PCDHGB7: variants seen among roughly 807,000 people sequenced by gnomAD.
PCDHGB7 encodes protocadherin gamma-B7.
Under a neutral mutation model 61.4 loss-of-function variants are expected in PCDHGB7, and 37 were observed. The observed-to-expected ratio is 0.60, with a 90% CI of 0.46 to 0.79. PCDHGB7 has a LOEUF of 0.79. Among genes scored for constraint, PCDHGB7 ranks in the 30% least tolerant of loss-of-function variants. PCDHGB7 has a pLI of 0.00. For synonymous variants in PCDHGB7, 464 were observed against 503.5 expected, an observed-to-expected ratio of 0.92 and a Z score of 1.05; for missense variants, 1,166 against 1,202.5, an observed-to-expected ratio of 0.97 and a Z score of 0.45.
chr5:141,485,566 C>G lies in PCDHGB7; in HGVS notation c.2416-9241C>G, dbSNP rs768144422. On this transcript the variant is annotated intron_variant, in intron 1 of 3. Transcript: ENST00000398594. This position sits in a 1 kb window ranked among gnomAD's most constrained non-coding sequence, Gnocchi z 5.7. ...TCGTAGATGTGAATGATCACGCCCC[C>G]CGTTTTCCGCGGCAGCAGCTGGACT... 2.5e-6 allele frequency: 4 copies of G among 1,612,808 alleles called. No homozygotes were observed. Among genetic ancestry groups the G allele is most frequent in the South Asian group, 2.2e-5 (2 of 91,028 alleles).
At chr5:141,443,665 AACT>A (rs2154560310) in intron 1 of PCDHGB7, among the ~76,000 whole-genome samples, 1 of 152,358 alleles carries the variant, frequency 6.6e-6, no homozygotes, top group African/African-American at 2.4e-5. Context: ...CATTTTACTG[AACT>A]AGTAGTTTAC....
In PCDHGB7 at chr5:141,419,481, C is replaced by T. The variant is rs2096389716; in HGVS notation, c.1622C>T (p.Ala541Val). The change falls in exon 1 of 4, where the codon GCG (alanine) becomes GTG (valine). Residue 541 changes from alanine to valine, a missense_variant. Transcript: ENST00000398594. ...CAGGCCCGCGACCAGGGCTCGCCCGCGCTCAGCGCCAATGTGAGCCTGCGC... is the reference window on the plus strand; with the variant it reads ...CAGGCCCGCGACCAGGGCTCGCCCGTGCTCAGCGCCAATGTGAGCCTGCGC... ...TLQARDQGSP[A>V]LSANVSLRVL... The T allele has an allele frequency of 6.2e-7, 1 of 1,612,422 alleles. No homozygotes were observed. The highest frequency in any genetic ancestry group is 2.2e-5 in the East Asian group (1 of 44,880).
intron 1 of PCDHGB7, chr5:141,420,475 A>G (rs1590231324): frequency 3.0e-6 from 2 of 665,126 alleles, no homozygotes; most frequent in Admixed American, 7.8e-5. Context: ...ATTTTAAAGC[A>G]AACTACATGG....
chr5:141,488,428 C>A (rs1234461104), intron 1 of PCDHGB7, among the ~76,000 whole-genome samples: 1 of 152,186 alleles, frequency 6.6e-6, no homozygotes, highest in Non-Finnish European at 1.5e-5. Context: ...CATGCTTGGC[C>A]TCTGACCACC....
intron 1 of PCDHGB7, chr5:141,478,721 C>A: frequency 6.5e-7 from 1 of 1,543,216 alleles, no homozygotes; most frequent in Non-Finnish European, 8.8e-7. Context: ...TGGTGGCCTG[C>A]CAGAGTGTGG....
rs1422052114 is a variant in PCDHGB7, at chr5:141,511,168, A to T, written c.2785A>T (p.Lys929Ter). The change falls in exon 4 of 4, where the codon AAG (lysine) becomes TAG (stop). Residue 929 changes from lysine to a stop codon, truncating the protein, a stop_gained. Coordinates refer to ENST00000398594, the MANE Select transcript of PCDHGB7 (RefSeq NM_018927.4). LOFTEE classifies it high-confidence loss of function. ...GAAGAAGTCGGGCAAGAAGGAGAAG[A>T]AGTAACATGGAGGCCAGGCCAAGAG... is the stretch of plus-strand genomic sequence containing the variant. The part of the protein sequence containing the change: ...NKKKSGKKEK[K>*] 1.4e-5 allele frequency: 22 copies of T among 1,614,038 alleles called. No individual in the cohort carries two copies. The highest frequency in any genetic ancestry group is 1.7e-5 in the Non-Finnish European group (20 of 1,180,008).
At chr5:141,458,509 CTTTG>C (rs1327998402) in intron 1 of PCDHGB7, among the ~76,000 whole-genome samples, 2 of 149,986 alleles carry the variant, frequency 1.3e-5, no homozygotes. Context: ...CTGTTTGACA[CTTTG>C]TTTTTTTTTT....
chr5:141,443,947 T>C (rs2098410978), intron 1 of PCDHGB7, among the ~76,000 whole-genome samples: 1 of 152,082 alleles, frequency 6.6e-6, no homozygotes, highest in Non-Finnish European at 1.5e-5. Flanking sequence ...GGTTTCCTTA[T>C]TGGTATGTAT....
chr5:141,463,184 T>A (rs62379194), intron 1 of PCDHGB7, among the ~76,000 whole-genome samples: 5,135 of 152,236 alleles, frequency 0.034, 100 homozygotes, highest in Middle Eastern at 0.088. Context: ...CTCAGATTAT[T>A]ATTTAGCCAA....
At position 141,477,722 on chromosome 5, in the gene PCDHGB7, A is replaced by G. The variant is rs768705340; in HGVS notation, c.2416-17085A>G. 9.3e-6 allele frequency: 15 copies of G among 1,613,878 alleles called. No homozygotes were observed. In the Middle Eastern group the frequency reaches 6.6e-4, roughly 71 times the overall value. On this transcript the variant is annotated intron_variant, in intron 1 of 3. Transcript: ENST00000398594. The surrounding 1 kb of genome is among the most constrained non-coding windows in gnomAD (Gnocchi z 4.9). ...TGAGGATCGGCGGGAATTTGAATTA[A>G]CAGCTCATATCAGCGATGGGGGCAC...
At position 141,502,866 on chromosome 5, in the gene PCDHGB7, C is replaced by CTTTTTTTTTTT. The variant is rs549047197; in HGVS notation, c.2475-2523_2475-2513dup. Among the ~76,000 whole-genome samples the CTTTTTTTTTTT allele has an allele frequency of 4.4e-4, 56 of 128,014 alleles. 1 individual carries two copies. The highest frequency in any genetic ancestry group is 5.1e-4 in the Non-Finnish European group (32 of 62,412). The allele number at this position is 128,014 out of a possible 152,430, so 84.0% of individuals were successfully genotyped here. ...GAGCTGCCTAACCCTGACTCTCTGTCTTTTTTTTTTTTTTGACAGGGAGTC... is the reference window on the plus strand; with the variant it reads ...GAGCTGCCTAACCCTGACTCTCTGTCTTTTTTTTTTTTTTTTTTTTTTTTTGACAGGGAGTC... On this transcript the variant is annotated intron_variant, in intron 2 of 3. Coordinates refer to ENST00000398594, the MANE Select transcript of PCDHGB7 (RefSeq NM_018927.4).
chr5:141,431,053 G>A lies in PCDHGB7; in HGVS notation c.2415+10779G>A, dbSNP rs1208370015. On this transcript the variant is annotated intron_variant, in intron 1 of 3. Coordinates refer to ENST00000398594, the MANE Select transcript of PCDHGB7 (RefSeq NM_018927.4). This position sits in a 1 kb window ranked among gnomAD's most constrained non-coding sequence, Gnocchi z 4.8. ...TAGACCGGGAGGAGCTCTGTATGGG[G>A]GCCATCAAGTGTCAATTAAATCTAG... 1 of 1,614,174 alleles carries A rather than the reference G, an allele frequency of 6.2e-7. No homozygotes were observed. Among genetic ancestry groups the A allele is most frequent in the Admixed American group, 1.7e-5 (1 of 60,030 alleles).
At chr5:141,421,583 G>A (rs765321947) in intron 1 of PCDHGB7, 1 of 1,613,796 alleles carries the variant, frequency 6.2e-7, no homozygotes, top group African/African-American at 1.3e-5. Context: ...AAGATTTACG[G>A]AGTGGAGGTG....
chr5:141,501,902 C>G (rs2154593013), intron 2 of PCDHGB7, among the ~76,000 whole-genome samples: 1 of 152,202 alleles, frequency 6.6e-6, no homozygotes, highest in East Asian at 1.9e-4. Flanking sequence ...GGTTCCAACC[C>G]CACTGTTCCA....
At chr5:141,462,781 G>C (rs893647456) in intron 1 of PCDHGB7, among the ~76,000 whole-genome samples, 1 of 152,102 alleles carries the variant, frequency 6.6e-6, no homozygotes, top group Non-Finnish European at 1.5e-5. Flanking sequence ...GTCATAATTT[G>C]TTGCTTATTT....
rs1039645331 is a variant in PCDHGB7, at chr5:141,420,373, T to C, written c.2415+99T>C. ...TTTAAGATTCTAGATAACTTCTTCA[T>C]AGAGTTCGCAAAATATAGGTCAAAT... is the stretch of plus-strand genomic sequence containing the variant. On this transcript the variant is annotated intron_variant, in intron 1 of 3. Coordinates refer to ENST00000398594, the MANE Select transcript of PCDHGB7 (RefSeq NM_018927.4). 21 of 1,337,592 alleles carry C rather than the reference T, an allele frequency of 1.6e-5. No homozygotes were observed. In the African/African-American group the frequency reaches 2.4e-4, roughly 15 times the overall value. The allele number at this position is 1,337,592 out of a possible 1,614,324, so 82.9% of individuals were successfully genotyped here. A position where few individuals can be genotyped will look rare whatever the true frequency, so the allele number is the denominator to read the frequency against.
intron 1 of PCDHGB7, chr5:141,475,934 G>C (rs754356530): frequency 3.0e-6 from 2 of 665,118 alleles, no homozygotes; most frequent in Non-Finnish European, 5.0e-6. Context: ...TCGGGCCCCT[G>C]CCCGTCCCCT....
intron 1 of PCDHGB7, among the ~76,000 whole-genome samples, chr5:141,481,794 A>C (rs1433830305): frequency 6.6e-6 from 1 of 152,136 alleles, no homozygotes; most frequent in East Asian, 1.9e-4. Context: ...TCTACTAAAA[A>C]TACAAAAATT....
At chr5:141,430,950 T>C (rs756423770) in intron 1 of PCDHGB7, 5 of 1,609,980 alleles carry the variant, frequency 3.1e-6, no homozygotes, top group East Asian at 2.2e-5. Flanking sequence ...GAGCGCGGAG[T>C]CCGCATCATC....
Sources: gnomAD v4.1 joint callset for allele counts (sites outside exome capture counted in the v4.1 genomes callset) on GRCh38, gnomAD v4.1.1 for gene constraint, Gnocchi (gnomAD v3.1) non-coding constraint, MANE v1.5 for transcripts, NCBI Gene and HGNC (gene_info 2026-07-23, HGNC 2026-07-21) for gene names.